STAG1: variants seen among roughly 807,000 people sequenced by gnomAD.
STAG1 encodes the protein cohesin subunit SA-1.
STAG1 carries 26 observed loss-of-function variants against 170.9 expected under a neutral mutation model. That is an observed-to-expected ratio of 0.15 (90% CI 0.11 to 0.21). The LOEUF (loss-of-function observed/expected upper bound fraction) is 0.21, where lower values mean the gene tolerates loss of function less well. STAG1 is among the 10% of genes least tolerant of loss of function. The pLI is 1.00. For synonymous variants in STAG1, 514 were observed against 497.7 expected (o/e 1.03, Z -0.44); for missense variants, 964 against 1,509.5 (o/e 0.64, Z 5.99).
rs1440971385 is a variant in STAG1, at chr3:136,700,881, T to C, written c.-84+51314A>G. On this transcript the variant is annotated intron_variant, in intron 1 of 33. Coordinates refer to ENST00000383202, the MANE Select transcript of STAG1 (RefSeq NM_005862.3). ...GTGTGTGCTCTATTTTTTTTCTTTT[T>C]TTTTTTTTTTTTTTTTTTGAGATGG... Among the ~76,000 whole-genome samples the C allele has an allele frequency of 2.7e-3, 353 of 132,940 alleles. 1 individual carries two copies. Among genetic ancestry groups the C allele is most frequent in the African/African-American group, 9.0e-3 (317 of 35,162 alleles). The allele number at this position is 132,940 out of a possible 152,430, so 87.2% of individuals were successfully genotyped here.
At chr3:136,568,405 G>C (rs1330694510) in intron 5 of STAG1, among the ~76,000 whole-genome samples, 1 of 151,986 alleles carries the variant, frequency 6.6e-6, no homozygotes, top group Non-Finnish European at 1.5e-5. Flanking sequence ...GGATATAAAA[G>C]AATGAATGCT....
chr3:136,649,651 C>G (rs1034815841), intron 1 of STAG1, among the ~76,000 whole-genome samples: 2 of 151,534 alleles, frequency 1.3e-5, no homozygotes, highest in African/African-American at 2.4e-5. Flanking sequence ...TGCAGTGGCT[C>G]GTGCCTGTAA....
intron 1 of STAG1, among the ~76,000 whole-genome samples, chr3:136,739,862 CACAT>C (rs1274810084): frequency 1.3e-5 from 2 of 151,908 alleles, no homozygotes; most frequent in East Asian, 3.9e-4. Context: ...TACACACACA[CACAT>C]ACACACATAT....
intron 3 of STAG1, among the ~76,000 whole-genome samples, chr3:136,614,907 A>G (rs1187096228): frequency 6.6e-6 from 1 of 152,228 alleles, no homozygotes; most frequent in Non-Finnish European, 1.5e-5. Flanking sequence ...TGGGGACTGC[A>G]TAATGCAAAA....
intron 7 of STAG1, among the ~76,000 whole-genome samples, chr3:136,504,090 A>G (rs1933632970): frequency 6.6e-6 from 1 of 151,020 alleles, no homozygotes; most frequent in Admixed American, 6.6e-5. Flanking sequence ...TACATATAGT[A>G]TGTATGTATG....
At chr3:136,710,895 CATT>C (rs1490803212) in intron 1 of STAG1, among the ~76,000 whole-genome samples, 1 of 151,902 alleles carries the variant, frequency 6.6e-6, no homozygotes, top group African/African-American at 2.4e-5. Context: ...CCATCAGAAG[CATT>C]ATTTGTGTAC....
At chr3:136,499,430 A>G (rs1166282870) in intron 9 of STAG1, among the ~76,000 whole-genome samples, 3 of 152,154 alleles carry the variant, frequency 2.0e-5, no homozygotes, top group Non-Finnish European at 4.4e-5. Flanking sequence ...CCAAAGTGTT[A>G]GGATTACAGG....
intron 9 of STAG1, among the ~76,000 whole-genome samples, chr3:136,478,950 C>T (rs2089839176): frequency 1.3e-5 from 2 of 151,782 alleles, no homozygotes; most frequent in African/African-American, 4.8e-5. Flanking sequence ...AATAATACCA[C>T]CTAGCTCACA....
intron 3 of STAG1, among the ~76,000 whole-genome samples, chr3:136,619,970 G>T (rs996476494): frequency 4.6e-5 from 7 of 152,010 alleles, no homozygotes; most frequent in African/African-American, 1.2e-4. Context: ...GGCTGAGGAG[G>T]TGGGAGAACT....
intron 7 of STAG1, among the ~76,000 whole-genome samples, chr3:136,515,541 A>G (rs1018154108): frequency 3.3e-5 from 5 of 152,228 alleles, no homozygotes; most frequent in African/African-American, 9.6e-5. Flanking sequence ...AAAGACGAAG[A>G]AAGGCACAGG....
chr3:136,641,431 G>A (rs924433283), intron 1 of STAG1, among the ~76,000 whole-genome samples: 1 of 152,164 alleles, frequency 6.6e-6, no homozygotes, highest in African/African-American at 2.4e-5. Context: ...ATAACCAACT[G>A]ATTACAGTTA....
intron 1 of STAG1, among the ~76,000 whole-genome samples, chr3:136,711,309 T>C (rs373929374): frequency 5.9e-5 from 9 of 152,134 alleles, no homozygotes; most frequent in African/African-American, 1.9e-4. Flanking sequence ...TTCTAAAATG[T>C]ACATGGAAAT....
chr3:136,422,913 A>T (rs1258840610), intron 17 of STAG1, 39 bp downstream of exon 17: 1 of 1,588,818 alleles, frequency 6.3e-7, no homozygotes, highest in South Asian at 1.1e-5. Context: ...CAATGAAAGC[A>T]AACTCAGTGA....
At chr3:136,498,774 T>C (rs1933304409) in intron 9 of STAG1, among the ~76,000 whole-genome samples, 1 of 151,504 alleles carries the variant, frequency 6.6e-6, no homozygotes, top group Admixed American at 6.6e-5. Context: ...AATAACATGT[T>C]ATACATGCAG....
At chr3:136,611,348 C>T (rs1347936517) in intron 3 of STAG1, among the ~76,000 whole-genome samples, 1 of 152,016 alleles carries the variant, frequency 6.6e-6, no homozygotes, top group Non-Finnish European at 1.5e-5. Flanking sequence ...GAGGTTTCTC[C>T]ATGTTGGTCA....
intron 4 of STAG1, among the ~76,000 whole-genome samples, chr3:136,601,444 G>A (rs982761400): frequency 1.3e-5 from 2 of 152,118 alleles, no homozygotes; most frequent in South Asian, 2.1e-4. Context: ...TGAAAGGTGG[G>A]TTAACACCAA....
chr3:136,339,034 G>A (rs1935828799), intron 32 of STAG1, among the ~76,000 whole-genome samples: 1 of 152,168 alleles, frequency 6.6e-6, no homozygotes, highest in Non-Finnish European at 1.5e-5. Context: ...TTTGGCGACA[G>A]GGCCTTTAAA....
chr3:136,406,867 G>A (rs1279096037), intron 21 of STAG1, among the ~76,000 whole-genome samples: 1 of 152,044 alleles, frequency 6.6e-6, no homozygotes, highest in African/African-American at 2.4e-5. Context: ...CCCAAAGAAT[G>A]GATACGAAGC....
intron 14 of STAG1, among the ~76,000 whole-genome samples, chr3:136,450,079 G>A (rs138959088): frequency 5.9e-4 from 90 of 152,140 alleles, no homozygotes; most frequent in African/African-American, 2.1e-3. Context: ...CCTAAGGGAG[G>A]TAAGAGTGTA....
Sources: gnomAD v4.1 joint callset for allele counts (sites outside exome capture counted in the v4.1 genomes callset) on GRCh38, gnomAD v4.1.1 for gene constraint, MANE v1.5 for transcripts, NCBI Gene and HGNC (gene_info 2026-07-23, HGNC 2026-07-21) for gene names.